Variants in PDE4C observed in about 807,000 individuals in gnomAD.
PDE4C encodes 3',5'-cyclic-AMP phosphodiesterase 4C.
A neutral mutation model predicts 63.9 loss-of-function variants in PDE4C; 50 were observed. The ratio of observed to expected loss-of-function variants is 0.78; its 90% CI spans 0.62 to 0.99. The LOEUF (loss-of-function observed/expected upper bound fraction) is 0.99, where lower values mean the gene tolerates loss of function less well. PDE4C is among the 50% of genes least tolerant of loss of function. PDE4C has a pLI of 0.00. For synonymous variants in PDE4C, 377 were observed against 385.1 expected (o/e 0.98, Z 0.25); for missense variants, 777 against 899.1 (o/e 0.86, Z 1.74).
chr19:18,220,514 C>G lies in PDE4C; in HGVS notation c.501G>C (p.Glu167Asp). 6.2e-7 allele frequency: 1 copy of G among 1,611,068 alleles called. No individual in the cohort carries two copies. Among genetic ancestry groups the G allele is most frequent in the Non-Finnish European group, 8.5e-7 (1 of 1,178,844 alleles). The change falls in exon 6 of 15, where the codon GAG becomes GAC. Residue 167 changes from glutamate to aspartate, a missense_variant and splice_region_variant. Physicochemically the swap from Glu to Asp is conservative, Grantham distance 45. Transcript: ENST00000262805. This position sits in a 1 kb window ranked among gnomAD's most constrained non-coding sequence, Gnocchi z 5.1. ...CCAATGCCAGCTTCTGCCCCGTGTC[C>G]TCTGGGAGCCGAGGCAGTCAGGGGC...
upstream of PDE4C, among the ~76,000 whole-genome samples, chr19:18,234,044 G>T (rs1310283814): frequency 6.6e-6 from 1 of 152,166 alleles, no homozygotes; most frequent in East Asian, 1.9e-4. Context: ...TCCCATGTCT[G>T]GGATGGGCAC....
At chr19:18,211,900 G>C (rs1478877889) in exon 14 of PDE4C, 1 of 1,614,218 alleles carries the variant, frequency 6.2e-7, no homozygotes, top group African/African-American at 1.3e-5. Flanking sequence ...GCGGCTTGGT[G>C]GGGTTGCTCA....
chr19:18,210,519 C>T (rs571514384), downstream of PDE4C: 1 of 157,128 alleles, frequency 6.4e-6, no homozygotes, highest in African/African-American at 2.4e-5. Context: ...AGGGCTACTA[C>T]AGAGGCAGAA....
intron 7 of PDE4C, chr19:18,219,758 A>T: frequency 4.3e-6 from 1 of 232,084 alleles, no homozygotes; most frequent in Non-Finnish European, 8.5e-6. Flanking sequence ...CAGGAGGCGG[A>T]GGTTGCAGTG....
chr19:18,248,253 A>T (rs1969166993), upstream of PDE4C: 2 of 455,682 alleles, frequency 4.4e-6, no homozygotes, highest in Non-Finnish European at 4.4e-6. Flanking sequence ...ACCAAGAGGG[A>T]GGCCCAGGGC....
At chr19:18,212,009 G>T in intron 13 of PDE4C, 68 bp from the exon 14 acceptor site, 1 of 1,507,536 alleles carries the variant, frequency 6.6e-7, no homozygotes, top group Non-Finnish European at 9.2e-7. Flanking sequence ...CACCTCCACA[G>T]ACAGGCTTGG....
intron 1 of PDE4C, among the ~76,000 whole-genome samples, chr19:18,241,769 T>C (rs577198161): frequency 3.7e-4 from 56 of 151,582 alleles, no homozygotes; most frequent in South Asian, 1.0e-3. Context: ...AGGCTGGTCT[T>C]GAAATCCTGG....
upstream of PDE4C, among the ~76,000 whole-genome samples, chr19:18,235,145 T>C (rs1244204548): frequency 6.6e-6 from 1 of 152,208 alleles, no homozygotes; most frequent in Admixed American, 6.6e-5. Flanking sequence ...CAGCTCCTGC[T>C]AGCATCCACC....
intron 1 of PDE4C, among the ~76,000 whole-genome samples, chr19:18,232,390 TGTGTGTGTGTGTGTGTGTGC>T (rs1968867869): frequency 6.6e-6 from 1 of 150,616 alleles, no homozygotes; most frequent in African/African-American, 2.5e-5. Context: ...TGTGTGTGTG[TGTGTGTGTGTGTGTGTGTGC>T]GTGTGTGTGT....
chr19:18,220,555 G>A lies in PDE4C; in HGVS notation c.500-40C>T, dbSNP rs1968414318. On this transcript the variant is annotated intron_variant, in intron 5 of 14. Coordinates refer to ENST00000262805, the Ensembl canonical transcript of PDE4C. The surrounding 1 kb of genome is among the most constrained non-coding windows in gnomAD (Gnocchi z 5.1). ...AGTCAGGGGCCTGCCCAACCCCCCC[G>A]CTCAGGGACCCCACGCCTCTCGCGA... 2 of 1,411,568 alleles carry A rather than the reference G, an allele frequency of 1.4e-6. No homozygotes were observed. Among genetic ancestry groups the A allele is most frequent in the African/African-American group, 1.4e-5 (1 of 70,688 alleles). The allele number at this position is 1,411,568 out of a possible 1,614,324, so 87.4% of individuals were successfully genotyped here. A position where few individuals can be genotyped will look rare whatever the true frequency, so the allele number is the denominator to read the frequency against.
chr19:18,249,899 C>G (rs1193441867), upstream of PDE4C: 17 of 380,766 alleles, frequency 4.5e-5, no homozygotes, highest in East Asian at 6.4e-4. Context: ...CTTATCTGTC[C>G]CTGCCTTGAG....
At chr19:18,242,971 G>A (rs750703474) in intron 1 of PDE4C, among the ~76,000 whole-genome samples, 1 of 152,098 alleles carries the variant, frequency 6.6e-6, no homozygotes, top group South Asian at 2.1e-4. Flanking sequence ...GCCTATCCCT[G>A]GGGCAGAGGC....
At position 18,233,133 on chromosome 19, in the gene PDE4C, C is replaced by A. The variant is rs1470297635; in HGVS notation, c.59G>T (p.Arg20Leu). Residue 20 changes from arginine to leucine, a missense_variant, in exon 1 of 15, where the codon CGC (arginine) becomes CTC (leucine). Transcript: ENST00000594465. ...GGCTCTGGTCATGCTGTGGCGGCCG[C>A]GAGAGCGACTCAACCTGCTGCAAGC... 17 of 1,558,454 alleles carry A rather than the reference C, an allele frequency of 1.1e-5. No individual in the cohort carries two copies. The Admixed American group carries it at 1.3e-4, about 12-fold the overall frequency.
upstream of PDE4C, among the ~76,000 whole-genome samples, chr19:18,231,273 C>A (rs117740154): frequency 6.6e-6 from 1 of 152,210 alleles, no homozygotes; most frequent in Non-Finnish European, 1.5e-5. Flanking sequence ...ATGCGCAGAA[C>A]GACGTGTGTG....
upstream of PDE4C, chr19:18,252,586 G>A (rs1353197067): frequency 1.5e-5 from 6 of 397,398 alleles, no homozygotes; most frequent in Non-Finnish European, 2.7e-5. Context: ...GCAACATAGC[G>A]AGACCCTCTC....
chr19:18,218,458 GTGTC>G lies in PDE4C; in HGVS notation c.1006_1009del (p.Asp336HisfsTer7), dbSNP rs779750920. 3 of 1,614,232 alleles carry G rather than the reference GTGTC, an allele frequency of 1.9e-6. No homozygotes were observed. The highest frequency in any genetic ancestry group is 2.5e-6 in the Non-Finnish European group (3 of 1,180,012). Reference sequence around the variant, plus strand: ...CAGCATCAGCAGGTAGGTGGCCAGTGTGTCTGCTGGGATCTGGAATGTCTTCAGC... The same window carrying G: ...CAGCATCAGCAGGTAGGTGGCCAGTGTGCTGGGATCTGGAATGTCTTCAGC... On this transcript the variant is annotated frameshift_variant, in exon 10 of 15. Transcript: ENST00000262805. LOFTEE classifies it high-confidence loss of function.
chr19:18,219,528 G>C (rs1968367672), intron 7 of PDE4C, 131 bp from the exon 8 acceptor site: 7 of 1,066,456 alleles, frequency 6.6e-6, no homozygotes, highest in Middle Eastern at 6.3e-4. Flanking sequence ...TAAGTTCGGA[G>C]TAAAGACCCT....
rs537306582 is a variant in PDE4C, at chr19:18,240,275, A to T, written c.-209-6875T>A. Among the ~76,000 whole-genome samples, 7 of 151,692 alleles carry T rather than the reference A, an allele frequency of 4.6e-5. 1 individual carries two copies. The South Asian group carries it at 1.5e-3, about 32-fold the overall frequency. ...CCCCGTCGCTACAAAACATTTTATA[A>T]ATTAGCCAGGTGTGGTGGTACATGT... On this transcript the variant is annotated intron_variant, in intron 1 of 15. Transcript: ENST00000594617.
At chr19:18,236,158 T>G (rs915938840), upstream of PDE4C, among the ~76,000 whole-genome samples, 1 of 152,016 alleles carries the variant, frequency 6.6e-6, no homozygotes, top group Non-Finnish European at 1.5e-5. Context: ...TTAGCCAGGA[T>G]GGTCTCGATC....
Sources: gnomAD v4.1 joint callset for allele counts (sites outside exome capture counted in the v4.1 genomes callset) on GRCh38, gnomAD v4.1.1 for gene constraint, Gnocchi (gnomAD v3.1) non-coding constraint, MANE v1.5 for transcripts, NCBI Gene and HGNC (gene_info 2026-07-23, HGNC 2026-07-21) for gene names.